Variants in LRIG1 observed in about 807,000 individuals in gnomAD.
LRIG1 encodes the protein leucine rich repeats and immunoglobulin like domains 1.
In LRIG1, 48 loss-of-function variants were observed where a neutral mutation model predicts 99.2. The ratio of observed to expected loss-of-function variants is 0.48; its 90% CI spans 0.38 to 0.62. The LOEUF (loss-of-function observed/expected upper bound fraction) is 0.62, where lower values mean the gene tolerates loss of function less well. LRIG1 is among the 20% of genes least tolerant of loss of function. The probability of loss-of-function intolerance (pLI) is 0.00; values close to 1 mark genes in which losing one functional copy is unlikely to be tolerated. For missense variants in LRIG1, 1,646 were observed against 1,434.4 expected, an observed-to-expected ratio of 1.15 and a Z score of -2.38; for synonymous variants, 772 against 596.1, an observed-to-expected ratio of 1.29 and a Z score of -4.30.
intron 1 of LRIG1, among the ~76,000 whole-genome samples, chr3:66,486,095 A>G (rs1700967999): frequency 6.6e-6 from 1 of 152,212 alleles, no homozygotes; most frequent in Admixed American, 6.5e-5. Flanking sequence ...AATATTTTTC[A>G]TAGAGTTAAG....
intron 1 of LRIG1, among the ~76,000 whole-genome samples, chr3:66,486,070 G>A (rs546121402): frequency 9.8e-5 from 15 of 152,308 alleles, no homozygotes; most frequent in African/African-American, 3.6e-4. Flanking sequence ...TGGGCCTCAT[G>A]TATACAACAG....
At chr3:66,408,541 G>T (rs1049322102) in intron 7 of LRIG1, among the ~76,000 whole-genome samples, 4 of 152,134 alleles carry the variant, frequency 2.6e-5, no homozygotes, top group African/African-American at 9.7e-5. Context: ...CTAGAGAGGG[G>T]ATCCCGGACC....
intron 1 of LRIG1, among the ~76,000 whole-genome samples, chr3:66,499,546 G>A (rs1008263593): frequency 6.6e-6 from 1 of 152,120 alleles, no homozygotes; most frequent in South Asian, 2.1e-4. Flanking sequence ...AGGTCGCCAG[G>A]AACTGTCAAA....
At chr3:66,485,027 G>A (rs1700939610) in intron 1 of LRIG1, among the ~76,000 whole-genome samples, 1 of 151,830 alleles carries the variant, frequency 6.6e-6, no homozygotes, top group Non-Finnish European at 1.5e-5. Context: ...GCATGGTGGT[G>A]CACACCTGTA....
rs1700375946 is a variant in LRIG1 at position 66,462,441 on chromosome 3, T to G, written c.287A>C (p.Glu96Ala). The change falls in exon 2 of 19, where the codon GAA becomes GCA. Residue 96 changes from glutamate (E) to alanine (A), a missense_variant. Glu to Ala is a moderately radical substitution (Grantham distance 107, BLOSUM62 -1). Coordinates refer to ENST00000273261, the MANE Select transcript of LRIG1 (RefSeq NM_015541.3). ...AGAGGTTTAGGGGGAGACTCACACT[T>G]CCTGTAGGTTCGGCAAGTCCTCAAA... ...AGFEDLPNLQEVYLNNNELTA... is the reference protein window; with the variant it reads ...AGFEDLPNLQAVYLNNNELTA... The G allele has an allele frequency of 1.9e-6, 3 of 1,611,178 alleles. No individual in the cohort carries two copies. In the African/African-American group the frequency reaches 4.0e-5, roughly 22 times the overall value.
intron 1 of LRIG1, among the ~76,000 whole-genome samples, chr3:66,488,382 G>A (rs1327404088): frequency 6.6e-6 from 1 of 151,606 alleles, no homozygotes; most frequent in African/African-American, 2.4e-5. Context: ...TAGCACTTTG[G>A]GACGCTGAGG....
At chr3:66,471,312 C>T (rs1700590049) in intron 1 of LRIG1, among the ~76,000 whole-genome samples, 1 of 152,242 alleles carries the variant, frequency 6.6e-6, no homozygotes, top group Non-Finnish European at 1.5e-5. Flanking sequence ...CACTAATTCA[C>T]TAACTTTCAC....
intron 12 of LRIG1, among the ~76,000 whole-genome samples, chr3:66,390,059 C>T (rs540803919): frequency 6.6e-6 from 1 of 152,092 alleles, no homozygotes; most frequent in Non-Finnish European, 1.5e-5. Flanking sequence ...GTGGATGTCT[C>T]ATGATTTCCC....
intron 13 of LRIG1, among the ~76,000 whole-genome samples, chr3:66,385,598 A>C (rs1269834450): frequency 6.6e-6 from 1 of 152,154 alleles, no homozygotes; most frequent in Non-Finnish European, 1.5e-5. Flanking sequence ...GATTACAGGC[A>C]TGTGCCACCA....
At chr3:66,411,516 G>A (rs1170131914) in intron 6 of LRIG1, among the ~76,000 whole-genome samples, 1 of 152,146 alleles carries the variant, frequency 6.6e-6, no homozygotes, top group African/African-American at 2.4e-5. Context: ...CAAGTGAAAC[G>A]TTTTTGAATA....
At chr3:66,408,772 C>T (rs1045464753) in intron 7 of LRIG1, among the ~76,000 whole-genome samples, 1 of 152,170 alleles carries the variant, frequency 6.6e-6, no homozygotes, top group African/African-American at 2.4e-5. Context: ...ACATGGAATG[C>T]ACAACTGCAG....
At chr3:66,479,561 A>T (rs1700801010) in intron 1 of LRIG1, among the ~76,000 whole-genome samples, 1 of 152,248 alleles carries the variant, frequency 6.6e-6, no homozygotes, top group African/African-American at 2.4e-5. Flanking sequence ...TTGAAATTGT[A>T]CTTTCTAAAC....
intron 1 of LRIG1, among the ~76,000 whole-genome samples, chr3:66,481,829 T>C (rs1336785714): frequency 6.6e-6 from 1 of 152,254 alleles, no homozygotes; most frequent in African/African-American, 2.4e-5. Flanking sequence ...TCAAAGCACA[T>C]GCATACAATG....
In LRIG1 at chr3:66,380,383, G is replaced by A; in HGVS notation, c.3162C>T (p.Tyr1054=). 1 of 1,614,214 alleles carries A rather than the reference G, an allele frequency of 6.2e-7. No individual in the cohort carries two copies. The highest frequency in any genetic ancestry group is 8.5e-7 in the Non-Finnish European group (1 of 1,180,032). Residue 1054 remains tyrosine, a synonymous_variant, in exon 19 of 19, where the codon TAC becomes TAT. Transcript: ENST00000273261. ...GGAGGTGGCCATTGGAAACAAGCAA[G>A]TACTGGGCTTCCGCGCGCTCTGGAC... ...SGSPERAEAQ[Y]LLVSNGHLPK...
intron 3 of LRIG1, among the ~76,000 whole-genome samples, chr3:66,421,056 G>A (rs1043781063): frequency 3.9e-5 from 6 of 152,132 alleles, no homozygotes; most frequent in Admixed American, 1.3e-4. Flanking sequence ...TCACTATCAT[G>A]AGAACAGCAT....
chr3:66,417,879 G>C (rs1249340291), intron 3 of LRIG1, among the ~76,000 whole-genome samples: 1 of 151,906 alleles, frequency 6.6e-6, no homozygotes, highest in African/African-American at 2.4e-5. Context: ...CTGAAATTGA[G>C]TTCCCTGAAC....
At chr3:66,409,406 C>A (rs1463755330) in intron 7 of LRIG1, among the ~76,000 whole-genome samples, 1 of 152,196 alleles carries the variant, frequency 6.6e-6, no homozygotes, top group Non-Finnish European at 1.5e-5. Flanking sequence ...CCATCGCTAC[C>A]CAGGCGACAG....
At chr3:66,464,638 G>A (rs989829612) in intron 1 of LRIG1, among the ~76,000 whole-genome samples, 1 of 152,080 alleles carries the variant, frequency 6.6e-6, no homozygotes, top group African/African-American at 2.4e-5. Context: ...ATATGTTTCT[G>A]GCTTACACAT....
intron 2 of LRIG1, among the ~76,000 whole-genome samples, chr3:66,461,676 A>C (rs533286460): frequency 2.0e-5 from 3 of 152,200 alleles, no homozygotes; most frequent in African/African-American, 4.8e-5. Flanking sequence ...TGTAGTTGCC[A>C]ATTTTTCTAC....
Sources: allele counts gnomAD v4.1 joint callset (sites outside exome capture counted in the v4.1 genomes callset), GRCh38; gene constraint gnomAD v4.1.1; transcripts MANE v1.5; gene names NCBI Gene and HGNC (gene_info 2026-07-23, HGNC 2026-07-21).